Variants in CTNNA3 observed in about 807,000 individuals in gnomAD.
CTNNA3 encodes the protein catenin alpha-3.
A neutral mutation model predicts 95.7 loss-of-function variants in CTNNA3; 76 were observed. The observed-to-expected ratio is 0.79, with a 90% CI of 0.66 to 0.96. CTNNA3 has a LOEUF of 0.96. Among genes scored for constraint, CTNNA3 ranks in the 40% least tolerant of loss-of-function variants. CTNNA3 has a pLI of 0.00. For missense variants in CTNNA3, 1,191 were observed against 1,089.8 expected (o/e 1.09, Z -1.31); for synonymous variants, 431 against 374.4 (o/e 1.15, Z -1.74).
chr10:66,634,046 T>TCCTC (rs928620207), intron 9 of CTNNA3, among the ~76,000 whole-genome samples: 1 of 152,124 alleles, frequency 6.6e-6, no homozygotes, highest in Non-Finnish European at 1.5e-5. Context: ...TCCAAAATGA[T>TCCTC]CCTCCCCAAA....
intron 5 of CTNNA3, among the ~76,000 whole-genome samples, chr10:67,410,371 A>T (rs1845317292): frequency 6.6e-6 from 1 of 152,074 alleles, no homozygotes; most frequent in Non-Finnish European, 1.5e-5. Context: ...GGGTGAGAGG[A>T]GGGAGAGGAT....
chr10:66,342,898 C>T (rs922141453), intron 12 of CTNNA3, among the ~76,000 whole-genome samples: 3 of 151,920 alleles, frequency 2.0e-5, no homozygotes, highest in African/African-American at 7.2e-5. Context: ...GGAATATTTG[C>T]TGATTGAAAA....
Position 67,607,112 on chromosome 10 carries a change from T to C in CTNNA3, c.100-63A>G, listed in dbSNP as rs1202944460. 4 of 1,313,220 alleles carry C rather than the reference T, an allele frequency of 3.0e-6. No individual in the cohort carries two copies. In the African/African-American group the frequency reaches 5.9e-5, roughly 19 times the overall value. 81.3% of individuals were successfully genotyped at this position (1,313,220 alleles called of 1,614,324 possible). On this transcript the variant is annotated intron_variant, in intron 2 of 17. Transcript: ENST00000433211. ...TTGTAAGGAGAACACAGTCCTGGGA[T>C]ATTACAGACCAGAACAAAAGACAGT...
chr10:66,408,438 G>A (rs570373601), intron 11 of CTNNA3, among the ~76,000 whole-genome samples: 12 of 151,834 alleles, frequency 7.9e-5, no homozygotes, highest in Non-Finnish European at 1.5e-4. Flanking sequence ...TGACAGAAGG[G>A]GCACCTAATC....
intron 15 of CTNNA3, among the ~76,000 whole-genome samples, chr10:66,013,766 T>C (rs956662399): frequency 6.6e-6 from 1 of 152,190 alleles, no homozygotes; most frequent in African/African-American, 2.4e-5. Context: ...GTTAGCTGTG[T>C]TCCTAGAACA....
chr10:66,190,416 A>G (rs2086606277), intron 13 of CTNNA3, among the ~76,000 whole-genome samples: 2 of 152,098 alleles, frequency 1.3e-5, no homozygotes, highest in African/African-American at 2.4e-5. Flanking sequence ...AGTCTTTTAG[A>G]CCTGAGAATG....
At position 67,590,954 on chromosome 10, in the gene CTNNA3, G is replaced by C. The variant is rs562357548; in HGVS notation, c.292+15903C>G. 2.0e-5 allele frequency among the ~76,000 whole-genome samples: 3 copies of C among 151,978 alleles called. No homozygotes were observed. The East Asian group carries it at 5.8e-4, about 29-fold the overall frequency. ...GTCTTTTCATAGCTTTTTGTTTCAT[G>C]TTTAACAAATCTTGCTCTACTCCCA... On this transcript the variant is annotated intron_variant, in intron 3 of 17. Transcript: ENST00000433211.
chr10:67,313,376 A>G (rs2616684), intron 5 of CTNNA3, among the ~76,000 whole-genome samples: 105,469 of 151,142 alleles, frequency 0.7, 41,274 homozygotes, highest in Non-Finnish European at 0.88. Context: ...AGTTTGCAGC[A>G]AGCTGAGATC....
chr10:67,533,687 G>A (rs1840406054), intron 4 of CTNNA3, among the ~76,000 whole-genome samples: 1 of 152,072 alleles, frequency 6.6e-6, no homozygotes, highest in African/African-American at 2.4e-5. Flanking sequence ...ATTTTTGGTT[G>A]CTCAGTGACC....
At chr10:66,967,557 C>T (rs1849501313) in intron 7 of CTNNA3, among the ~76,000 whole-genome samples, 1 of 152,002 alleles carries the variant, frequency 6.6e-6, no homozygotes, top group East Asian at 1.9e-4. Flanking sequence ...ACCCTCTATA[C>T]CTTTAAGCAG....
intron 7 of CTNNA3, among the ~76,000 whole-genome samples, chr10:66,866,501 G>A (rs1458320733): frequency 6.6e-6 from 1 of 152,066 alleles, no homozygotes; most frequent in Admixed American, 6.6e-5. Context: ...CTATTTTGTG[G>A]ATACACAATG....
intron 5 of CTNNA3, among the ~76,000 whole-genome samples, chr10:67,441,702 T>C (rs140330668): frequency 3.3e-5 from 5 of 152,250 alleles, no homozygotes; most frequent in African/African-American, 1.2e-4. Flanking sequence ...TAGAATAGTA[T>C]ATACTGTGAA....
chr10:66,674,126 T>A lies in CTNNA3; in HGVS notation c.1282-52342A>T, dbSNP rs577250892. Among the ~76,000 whole-genome samples, 3 of 152,132 alleles carry A rather than the reference T, an allele frequency of 2.0e-5. 1 individual carries two copies. Among genetic ancestry groups the A allele is most frequent in the African/African-American group, 7.2e-5 (3 of 41,544 alleles). ...TCCATCTATTCTTATAAGATTTATG[T>A]ATTGGGTGTTAGTGCCAAGATTCTC... On this transcript the variant is annotated intron_variant, in intron 9 of 17. Transcript: ENST00000433211.
chr10:66,437,539 G>A (rs1047622814), intron 11 of CTNNA3, among the ~76,000 whole-genome samples: 6 of 151,992 alleles, frequency 3.9e-5, no homozygotes, highest in African/African-American at 1.5e-4. Flanking sequence ...AGCTCCTTCA[G>A]GTCATTTATG....
intron 5 of CTNNA3, among the ~76,000 whole-genome samples, chr10:67,235,756 A>C (rs1167819567): frequency 1.4e-5 from 2 of 144,432 alleles, no homozygotes; most frequent in Admixed American, 6.8e-5. Context: ...AATTTTTGCA[A>C]TCTACTCATC....
intron 7 of CTNNA3, among the ~76,000 whole-genome samples, chr10:67,171,852 T>G (rs1401595547): frequency 6.6e-6 from 1 of 152,218 alleles, no homozygotes; most frequent in Non-Finnish European, 1.5e-5. Context: ...GAGGGACTCA[T>G]AACTGATTAA....
chr10:67,531,574 G>A (rs1840329164), intron 4 of CTNNA3, among the ~76,000 whole-genome samples: 2 of 152,304 alleles, frequency 1.3e-5, no homozygotes, highest in South Asian at 4.1e-4. Flanking sequence ...TAACTAACTT[G>A]CTTTTGATTT....
At chr10:66,107,083 A>T (rs1043506905) in intron 13 of CTNNA3, among the ~76,000 whole-genome samples, 2 of 152,184 alleles carry the variant, frequency 1.3e-5, no homozygotes, top group African/African-American at 4.8e-5. Flanking sequence ...CTCAGCAAAG[A>T]TTCACTCTAG....
intron 1 of CTNNA3, among the ~76,000 whole-genome samples, chr10:67,763,291 C>A (rs1227978557): frequency 6.6e-6 from 1 of 151,644 alleles, no homozygotes; most frequent in Admixed American, 6.6e-5. Flanking sequence ...AAAAAAAATT[C>A]CTAAAAGAAC....
Sources: gnomAD v4.1 joint callset for allele counts (sites outside exome capture counted in the v4.1 genomes callset) on GRCh38, gnomAD v4.1.1 for gene constraint, MANE v1.5 for transcripts, NCBI Gene and HGNC (gene_info 2026-07-23, HGNC 2026-07-21) for gene names.